Variants in EPHA5 observed in about 807,000 individuals in gnomAD.
The protein encoded by EPHA5 is EPH receptor A5, also known as ephrin type-A receptor 5.
EPHA5 carries 60 observed loss-of-function variants against 105.0 expected under a neutral mutation model. The ratio of observed to expected loss-of-function variants is 0.57; its 90% CI spans 0.46 to 0.71. The LOEUF is 0.71. Among genes scored for constraint, EPHA5 ranks in the 30% least tolerant of loss-of-function variants. The probability of loss-of-function intolerance (pLI) is 0.00; values close to 1 mark genes in which losing one functional copy is unlikely to be tolerated. For missense variants in EPHA5, 1,218 were observed against 1,274.7 expected, an observed-to-expected ratio of 0.96 and a Z score of 0.68; for synonymous variants, 513 against 449.1, an observed-to-expected ratio of 1.14 and a Z score of -1.80.
intron 3 of EPHA5, among the ~76,000 whole-genome samples, chr4:65,581,307 T>G (rs1741599182): frequency 6.6e-6 from 1 of 151,816 alleles, no homozygotes; most frequent in African/African-American, 2.4e-5. Context: ...TATGTATACA[T>G]GTTAATAAAC....
intron 8 of EPHA5, among the ~76,000 whole-genome samples, chr4:65,377,790 A>C (rs1719157622): frequency 6.6e-6 from 1 of 151,980 alleles, no homozygotes; most frequent in African/African-American, 2.4e-5. Flanking sequence ...AAACTATTTT[A>C]TAAAATGCAC....
chr4:65,431,438 G>C (rs756460876), intron 5 of EPHA5, among the ~76,000 whole-genome samples: 2 of 152,056 alleles, frequency 1.3e-5, no homozygotes, highest in Non-Finnish European at 2.9e-5. Context: ...TAACAAAGCA[G>C]AGATCTGAAG....
intron 16 of EPHA5, chr4:65,331,649 T>A: frequency 9.1e-7 from 1 of 1,094,276 alleles, no homozygotes; most frequent in Non-Finnish European, 1.1e-6. Context: ...TACATTCATA[T>A]AACATAGATA....
chr4:65,560,417 TA>T (rs2149356132), intron 3 of EPHA5, among the ~76,000 whole-genome samples: 1 of 152,260 alleles, frequency 6.6e-6, no homozygotes, highest in South Asian at 2.1e-4. Context: ...AAGAAACGGA[TA>T]TTTTTTCCTT....
chr4:65,545,436 A>C (rs879779572), intron 3 of EPHA5, among the ~76,000 whole-genome samples: 1 of 151,956 alleles, frequency 6.6e-6, no homozygotes, highest in Non-Finnish European at 1.5e-5. Flanking sequence ...CAAAGCAGAA[A>C]AATTAAAGAA....
chr4:65,492,993 G>GTTTT (rs4075740), intron 4 of EPHA5, among the ~76,000 whole-genome samples: 1 of 150,020 alleles, frequency 6.7e-6, no homozygotes, highest in African/African-American at 2.4e-5. Context: ...GTTTTGTTTT[G>GTTTT]TTTTTTAATT....
intron 3 of EPHA5, among the ~76,000 whole-genome samples, chr4:65,531,110 TCA>T (rs1217787429): frequency 1.3e-5 from 2 of 151,192 alleles, no homozygotes; most frequent in Non-Finnish European, 2.9e-5. Flanking sequence ...CAATCTCGGC[TCA>T]CTGCAAGCTC....
chr4:65,652,209 C>A (rs1448734675), intron 1 of EPHA5, among the ~76,000 whole-genome samples: 1 of 152,040 alleles, frequency 6.6e-6, no homozygotes, highest in Non-Finnish European at 1.5e-5. Flanking sequence ...ATTGTCAAGT[C>A]CTCACTACTG....
intron 3 of EPHA5, among the ~76,000 whole-genome samples, chr4:65,540,550 A>G (rs550848431): frequency 5.3e-5 from 8 of 151,620 alleles, no homozygotes; most frequent in African/African-American, 1.4e-4. Flanking sequence ...TAAATAATGA[A>G]AGAGAGAAGC....
intron 1 of EPHA5, among the ~76,000 whole-genome samples, chr4:65,664,332 CTTG>C (rs905539118): frequency 1.2e-4 from 18 of 151,912 alleles, no homozygotes; most frequent in Non-Finnish European, 2.2e-4. Flanking sequence ...CAGAAAATCT[CTTG>C]TTATTTATGT....
chr4:65,414,877 C>T (rs1423294807), intron 6 of EPHA5, among the ~76,000 whole-genome samples: 1 of 152,164 alleles, frequency 6.6e-6, no homozygotes, highest in East Asian at 1.9e-4. Context: ...AAGACTTATG[C>T]TTTAACTCAT....
intron 3 of EPHA5, among the ~76,000 whole-genome samples, chr4:65,496,915 A>G (rs922688932): frequency 2.6e-5 from 4 of 152,204 alleles, no homozygotes; most frequent in African/African-American, 9.6e-5. Flanking sequence ...TGATATTTCT[A>G]TGAGCATTTC....
At chr4:65,335,588 C>A (rs1185403620) in intron 15 of EPHA5, among the ~76,000 whole-genome samples, 2 of 151,892 alleles carry the variant, frequency 1.3e-5, no homozygotes, top group Non-Finnish European at 2.9e-5. Flanking sequence ...TTGGCTTTTT[C>A]TTATGTTATA....
intron 3 of EPHA5, among the ~76,000 whole-genome samples, chr4:65,556,438 G>A (rs1738449405): frequency 6.6e-6 from 1 of 152,062 alleles, no homozygotes; most frequent in African/African-American, 2.4e-5. Flanking sequence ...CATGAAAATA[G>A]GCATGTAACA....
At chr4:65,593,446 C>A (rs1742867611) in intron 3 of EPHA5, among the ~76,000 whole-genome samples, 1 of 152,128 alleles carries the variant, frequency 6.6e-6, no homozygotes, top group South Asian at 2.1e-4. Context: ...ACACTCACTG[C>A]AAGAGTGCTT....
rs1488315245 is a variant in EPHA5 at position 65,351,641 on chromosome 4, A to T, written c.2236-43T>A. ...AAATATTAGTCTAGCAACACCAATC[A>T]CTGGGGGAAAATATGAGAGGTCTGT... On this transcript the variant is annotated intron_variant, in intron 12 of 16. Coordinates refer to ENST00000613740, the MANE Select transcript of EPHA5 (RefSeq NM_001281766.3). The T allele has an allele frequency of 3.8e-6, 6 of 1,564,098 alleles. No individual in the cohort carries two copies. The Admixed American group carries it at 8.4e-5, about 22-fold the overall frequency.
At chr4:65,348,462 T>C (rs993163604) in intron 13 of EPHA5, among the ~76,000 whole-genome samples, 3 of 151,560 alleles carry the variant, frequency 2.0e-5, no homozygotes, top group African/African-American at 7.3e-5. Flanking sequence ...GTCCTCAGTA[T>C]AGCAGCTCTA....
intron 2 of EPHA5, among the ~76,000 whole-genome samples, chr4:65,613,346 T>G (rs1033476538): frequency 6.6e-5 from 10 of 152,140 alleles, no homozygotes; most frequent in African/African-American, 2.4e-4. Context: ...AGAATTCCTT[T>G]GACAATTTGG....
At chr4:65,479,438 A>G (rs1730141021) in intron 5 of EPHA5, among the ~76,000 whole-genome samples, 1 of 152,184 alleles carries the variant, frequency 6.6e-6, no homozygotes, top group Non-Finnish European at 1.5e-5. Flanking sequence ...GTTTAAATGT[A>G]TTTCTTCTGA....
Sources: gnomAD v4.1 joint callset for allele counts (sites outside exome capture counted in the v4.1 genomes callset) on GRCh38, gnomAD v4.1.1 for gene constraint, MANE v1.5 for transcripts, NCBI Gene and HGNC (gene_info 2026-07-23, HGNC 2026-07-21) for gene names.